The following COL16A1 variants were observed in gnomAD, a reference collection of about 807,000 sequenced individuals.
COL16A1 encodes the protein collagen alpha-1(XVI) chain.
A neutral mutation model predicts 266.3 loss-of-function variants in COL16A1; 189 were observed. That is an observed-to-expected ratio of 0.71 (90% CI 0.63 to 0.80). The LOEUF (loss-of-function observed/expected upper bound fraction) is 0.80. Among genes scored for constraint, COL16A1 ranks in the 30% least tolerant of loss-of-function variants. The probability of loss-of-function intolerance (pLI) is 0.00; values close to 1 mark genes in which losing one functional copy is unlikely to be tolerated. For missense variants in COL16A1, 1,928 were observed against 2,122.4 expected (o/e 0.91, Z 1.80); for synonymous variants, 740 against 782.3 (o/e 0.95, Z 0.90).
intron 58 of COL16A1, among the ~76,000 whole-genome samples, chr1:31,661,917 G>A (rs1400397367): frequency 6.6e-6 from 1 of 152,118 alleles, no homozygotes; most frequent in East Asian, 1.9e-4. Flanking sequence ...TATATAAGGG[G>A]GTTGACTTTG....
chr1:31,661,788 G>A, intron 58 of COL16A1, 84 bp from the exon 59 acceptor site: 1 of 1,391,174 alleles, frequency 7.2e-7, no homozygotes, highest in East Asian at 2.4e-5. Flanking sequence ...CCTCTCTCCA[G>A]CCCTCCCCAG....
At position 31,667,613 on chromosome 1, in the gene COL16A1, G is replaced by A. The variant is rs770632557; in HGVS notation, c.3319C>T (p.Arg1107Cys). Reference protein sequence around the residue: ...PPGLPGIKGERGYTGSAGEKG... With the variant: ...PPGLPGIKGECGYTGSAGEKG... Reference sequence around the variant, plus strand: ...TCTCCCGCTGACCCGGTGTAGCCACGCTCCCCCTTGATGCCCTGACAAGTG... The same window carrying A: ...TCTCCCGCTGACCCGGTGTAGCCACACTCCCCCTTGATGCCCTGACAAGTG... Residue 1107 changes from arginine to cysteine, a missense_variant, in exon 52 of 71, where the codon CGT becomes TGT. This residue lies in a region of COL16A1 where 1,552 missense variants were observed against 1,637.2 expected (regional missense o/e 0.95). Transcript: ENST00000373672. 22 of 1,604,956 alleles carry A rather than the reference G, an allele frequency of 1.4e-5. No homozygotes were observed. The highest frequency in any genetic ancestry group is 6.7e-5 in the African/African-American group (5 of 74,794).
intron 2 of COL16A1, among the ~76,000 whole-genome samples, chr1:31,701,123 T>C (rs1293595252): frequency 6.6e-6 from 1 of 152,114 alleles, no homozygotes; most frequent in Non-Finnish European, 1.5e-5. Flanking sequence ...GAAGAAGGAA[T>C]CCTGGGGCCC....
At position 31,685,643 on chromosome 1, in the gene COL16A1, T is replaced by C; in HGVS notation, c.2012A>G (p.Lys671Arg). ...CCTGCCTATATCCCACCTCACCTGTTTTCCTGGCAAGCCAAAGCCTGGAGG... is the reference window on the plus strand; with the variant it reads ...CCTGCCTATATCCCACCTCACCTGTCTTCCTGGCAAGCCAAAGCCTGGAGG... Reference protein sequence around the residue: ...PGPPGFGLPGKQGKAGERGLK... With the variant: ...PGPPGFGLPGRQGKAGERGLK... The change falls in exon 29 of 71, where the codon AAA becomes AGA. Residue 671 changes from lysine (K) to arginine (R), a missense_variant. Physicochemically the swap from Lys to Arg is conservative, Grantham distance 26. This residue lies in a region of COL16A1 where 1,552 missense variants were observed against 1,637.2 expected (regional missense o/e 0.95). Transcript: ENST00000373672. This position sits in a 1 kb window ranked among gnomAD's most constrained non-coding sequence, Gnocchi z 4.0. 1.2e-6 allele frequency: 2 copies of C among 1,613,814 alleles called. No homozygotes were observed. The highest frequency in any genetic ancestry group is 2.7e-5 in the African/African-American group (2 of 75,012).
At position 31,665,563 on chromosome 1, in the gene COL16A1, T is replaced by A. The variant is rs772620423; in HGVS notation, c.3492+20A>T. On this transcript the variant is annotated intron_variant, in intron 55 of 70. Coordinates refer to ENST00000373672, the MANE Select transcript of COL16A1 (RefSeq NM_001856.4). ...TGAGACCACATCAGACAGAGCTGGC[T>A]TTGTGTCTTCTTCACTCACCGGTGG... 2 of 1,614,072 alleles carry A rather than the reference T, an allele frequency of 1.2e-6. No individual in the cohort carries two copies. Among genetic ancestry groups the A allele is most frequent in the Non-Finnish European group, 1.7e-6 (2 of 1,179,988 alleles).
chr1:31,665,234 C>G lies in COL16A1; in HGVS notation c.3493G>C (p.Gly1165Arg). ...ACTTTGCCTGGGAATCCAGGGGGAC[C>G]CTGTATCAACAAAGGGGCAGGCAGG... is the stretch of plus-strand genomic sequence containing the variant. ...QGQPGFPGPP[G>R]PPGFPGKVGS... is the part of the protein sequence containing the mutation. The change falls in exon 56 of 71, where the codon GGT becomes CGT. Residue 1165 changes from glycine to arginine, a missense_variant and splice_region_variant. Gly to Arg is a moderately radical substitution (Grantham distance 125). Transcript: ENST00000373672. 1 of 1,591,612 alleles carries G rather than the reference C, an allele frequency of 6.3e-7. No homozygotes were observed. The highest frequency in any genetic ancestry group is 8.5e-7 in the Non-Finnish European group (1 of 1,174,272).
chr1:31,661,659 C>A lies in COL16A1; in HGVS notation c.3726+1G>T. 1 of 1,613,530 alleles carries A rather than the reference C, an allele frequency of 6.2e-7. No homozygotes were observed. The highest frequency in any genetic ancestry group is 8.5e-7 in the Non-Finnish European group (1 of 1,179,828). On this transcript the variant is annotated splice_donor_variant, in intron 59 of 70. Transcript: ENST00000373672. LOFTEE classifies it high-confidence loss of function. ...CAACTCCTTCCTGCAGCTCAACTTA[C>A]CGGTGGTCCCATGAGTCCAGGGGGG... is the stretch of plus-strand genomic sequence containing the variant.
At chr1:31,689,203 C>T in intron 23 of COL16A1, 118 bp from the exon 24 acceptor site, 1 of 1,516,112 alleles carries the variant, frequency 6.6e-7, no homozygotes, top group Non-Finnish European at 8.9e-7. Context: ...ACCTAGGGGT[C>T]CCATGGGGTC....
rs748550330 is a variant in COL16A1, at chr1:31,683,902, C to G, written c.2337+48G>C. ...GCCCCCATGGATCTCCCTATCCCAC[C>G]CCTGCCCTCACGTAGCTACGGCCCA... On this transcript the variant is annotated intron_variant, in intron 33 of 70. Coordinates refer to ENST00000373672, the MANE Select transcript of COL16A1 (RefSeq NM_001856.4). The G allele has an allele frequency of 5.0e-6, 8 of 1,613,074 alleles. No individual in the cohort carries two copies. In the Admixed American group the frequency reaches 1.0e-4, roughly 20 times the overall value.
chr1:31,691,962 C>G, intron 17 of COL16A1, 43 bp downstream of exon 17: 1 of 1,613,186 alleles, frequency 6.2e-7, no homozygotes, highest in East Asian at 2.2e-5. Context: ...ATTCTCAGAC[C>G]CCGTGCTGTG....
Position 31,680,834 on chromosome 1 carries a change from G to A in COL16A1, c.2610+71C>T, listed in dbSNP as rs374220981. On this transcript the variant is annotated intron_variant, in intron 39 of 70. Transcript: ENST00000373672. Reference sequence around the variant, plus strand: ...AGGGGCTGCTAATCCCCCAGAGTACGGGTCACAGGTGGGAAGGCTGGAGGG... The same window carrying A: ...AGGGGCTGCTAATCCCCCAGAGTACAGGTCACAGGTGGGAAGGCTGGAGGG... 542 of 1,611,326 alleles carry A rather than the reference G, an allele frequency of 3.4e-4. 2 individuals are homozygous for A. In the African/African-American group the frequency reaches 4.4e-3, roughly 13 times the overall value.
chr1:31,680,965 A>G, intron 38 of COL16A1, 34 bp from the exon 39 acceptor site: 2 of 1,614,048 alleles, frequency 1.2e-6, no homozygotes, highest in Non-Finnish European at 1.7e-6. Context: ...GTGAGCAGAT[A>G]GGGGTGCCGA....
intron 42 of COL16A1, among the ~76,000 whole-genome samples, chr1:31,678,195 G>A (rs1037249209): frequency 1.3e-5 from 2 of 152,144 alleles, no homozygotes; most frequent in South Asian, 2.1e-4. Context: ...CCAGGGTGGC[G>A]GGGGTGGGGA....
rs1570522490 is a variant in COL16A1, at chr1:31,685,548, G to A, written c.2016+91C>T. The A allele has an allele frequency of 9.9e-6, 12 of 1,213,726 alleles. No individual in the cohort carries two copies. The highest frequency in any genetic ancestry group is 3.0e-5 in the East Asian group (1 of 33,194). The allele number at this position is 1,213,726 out of a possible 1,614,324, so 75.2% of individuals were successfully genotyped here. A position where few individuals can be genotyped will look rare whatever the true frequency, so the allele number is the denominator to read the frequency against. ...CCTCCCCACTACCCCCAACTGCCCA[G>A]GGAGTCAAGAGACCCAGGCAGGACC... On this transcript the variant is annotated intron_variant, in intron 29 of 70. Coordinates refer to ENST00000373672, the MANE Select transcript of COL16A1 (RefSeq NM_001856.4). The surrounding 1 kb of genome is among the most constrained non-coding windows in gnomAD (Gnocchi z 4.0).
At position 31,656,738 on chromosome 1, in the gene COL16A1, G is replaced by A. The variant is rs1341567259; in HGVS notation, c.4057-294C>T. On this transcript the variant is annotated intron_variant, in intron 65 of 70. Transcript: ENST00000373672. The surrounding 1 kb of genome is among the most constrained non-coding windows in gnomAD (Gnocchi z 4.2). Reference sequence around the variant, plus strand: ...CATACTGGGGGGCCTGGAAAGACCTGGTACCCAGGAGATGTTTGTTTGGAA... The same window carrying A: ...CATACTGGGGGGCCTGGAAAGACCTAGTACCCAGGAGATGTTTGTTTGGAA... Among the ~76,000 whole-genome samples the A allele has an allele frequency of 2.6e-5, 4 of 151,484 alleles. No homozygotes were observed. Among genetic ancestry groups the A allele is most frequent in the Admixed American group, 1.3e-4 (2 of 15,222 alleles).
intron 52 of COL16A1, 40 bp downstream of exon 52, chr1:31,667,535 C>T (rs1459180219): frequency 6.5e-6 from 10 of 1,540,746 alleles, no homozygotes; most frequent in Admixed American, 5.6e-5. Context: ...TGTGGCTCCA[C>T]GTGCAGCCCT....
intron 54 of COL16A1, 63 bp from the exon 55 acceptor site, chr1:31,665,681 G>A (rs1642070303): frequency 2.5e-6 from 4 of 1,598,996 alleles, no homozygotes; most frequent in Non-Finnish European, 1.7e-6. Flanking sequence ...GGCTGCCCAG[G>A]TGGAAAGAGT....
intron 64 of COL16A1, among the ~76,000 whole-genome samples, chr1:31,658,070 G>A (rs1353238460): frequency 3.3e-5 from 5 of 152,238 alleles, no homozygotes; most frequent in African/African-American, 4.8e-5. Flanking sequence ...ATATATCAGC[G>A]CTCTTAGTGT....
intron 53 of COL16A1, 32 bp from the exon 54 acceptor site, chr1:31,665,967 C>T (rs1557625261): frequency 6.2e-7 from 1 of 1,614,048 alleles, no homozygotes; most frequent in Non-Finnish European, 8.5e-7. Context: ...GCAGCCGAAA[C>T]CTAATCTTCC....
Sources: gnomAD v4.1 joint callset for allele counts (sites outside exome capture counted in the v4.1 genomes callset) on GRCh38, gnomAD v4.1.1 for gene constraint, gnomAD v4.1.1 regional missense constraint, Gnocchi (gnomAD v3.1) non-coding constraint, MANE v1.5 for transcripts, NCBI Gene and HGNC (gene_info 2026-07-23, HGNC 2026-07-21) for gene names.